SH3RF2: variants seen among roughly 807,000 people sequenced by gnomAD.
SH3RF2 encodes E3 ubiquitin-protein ligase SH3RF2.
SH3RF2 carries 43 observed loss-of-function variants against 59.0 expected under a neutral mutation model. That is an observed-to-expected ratio of 0.73 (90% CI 0.57 to 0.94). The LOEUF is 0.94. Among genes scored for constraint, SH3RF2 ranks in the 40% least tolerant of loss-of-function variants. The pLI is 0.00. For synonymous variants in SH3RF2, 391 were observed against 391.5 expected, an observed-to-expected ratio of 1.00 and a Z score of 0.01; for missense variants, 930 against 940.1, an observed-to-expected ratio of 0.99 and a Z score of 0.14.
intron 5 of SH3RF2, among the ~76,000 whole-genome samples, chr5:146,031,089 G>A (rs1451160710): frequency 6.6e-6 from 1 of 152,204 alleles, no homozygotes; most frequent in African/African-American, 2.4e-5. Context: ...GAGAATGTGT[G>A]TGCCTGGTCA....
chr5:145,976,081 A>G (rs1465281379), intron 2 of SH3RF2, among the ~76,000 whole-genome samples: 2 of 152,208 alleles, frequency 1.3e-5, no homozygotes, highest in Admixed American at 1.3e-4. Flanking sequence ...TTTAGTAAAT[A>G]TTTGTGGAAC....
Position 145,937,925 on chromosome 5 carries a change from T to TA in SH3RF2, c.1dup. ...CCAGGTGGGAACTGGAGTTTTGAAA[T>TA]AAAATGGATGATTTGACGTTACTTG... On this transcript the variant is annotated 5_prime_UTR_variant, in exon 2 of 10. Coordinates refer to ENST00000359120, the MANE Select transcript of SH3RF2 (RefSeq NM_152550.4). 1 of 1,609,936 alleles carries TA rather than the reference T, an allele frequency of 6.2e-7. No homozygotes were observed. The highest frequency in any genetic ancestry group is 8.5e-7 in the Non-Finnish European group (1 of 1,177,436).
intron 2 of SH3RF2, among the ~76,000 whole-genome samples, chr5:145,950,100 C>T (rs1758136630): frequency 6.6e-6 from 1 of 151,808 alleles, no homozygotes; most frequent in South Asian, 2.1e-4. Context: ...ACCTTCATAA[C>T]TACTACCATC....
At chr5:146,059,807 C>A in intron 8 of SH3RF2, 59 bp from the exon 9 acceptor site, 1 of 1,289,846 alleles carries the variant, frequency 7.8e-7, no homozygotes, top group Non-Finnish European at 1.0e-6. Context: ...TTACCCAGCC[C>A]CACCCAACCT....
At position 146,049,217 on chromosome 5, in the gene SH3RF2, CCAAACA is replaced by C. The variant is rs1762409155; in HGVS notation, c.1295_1300del (p.Pro432_Asn434delinsHis). 1.9e-6 allele frequency: 3 copies of C among 1,613,138 alleles called. No individual in the cohort carries two copies. In the African/African-American group the frequency reaches 4.0e-5, roughly 22 times the overall value. On this transcript the variant is annotated inframe_deletion, in exon 7 of 10. Coordinates refer to ENST00000359120, the MANE Select transcript of SH3RF2 (RefSeq NM_152550.4). ...GGTCACCGGGCGAGTCGGCATCTTC[CCAAACA>C]ATTACGTCATCCCCATTTTCAGGTG...
At chr5:146,032,544 T>C (rs1302003348) in intron 5 of SH3RF2, among the ~76,000 whole-genome samples, 1 of 152,164 alleles carries the variant, frequency 6.6e-6, no homozygotes, top group Non-Finnish European at 1.5e-5. Context: ...TGTTGTCTAT[T>C]ACATAGGAGG....
In SH3RF2 at chr5:145,937,861, C is replaced by G; in HGVS notation, c.-68C>G. The stretch of plus-strand genomic sequence containing the variant: ...CGTTCTCAAGAGACCAGCTCTGCCC[C>G]CGTGGCTCAACTGACCCTACCATGT... On this transcript the variant is annotated 5_prime_UTR_variant, in exon 2 of 10. Transcript: ENST00000359120. 2.5e-5 allele frequency: 39 copies of G among 1,539,024 alleles called. No individual in the cohort carries two copies. The highest frequency in any genetic ancestry group is 3.4e-5 in the Non-Finnish European group (39 of 1,145,030).
At chr5:145,978,144 G>A (rs574054497) in intron 2 of SH3RF2, among the ~76,000 whole-genome samples, 8 of 152,168 alleles carry the variant, frequency 5.3e-5, no homozygotes, top group African/African-American at 9.6e-5. Context: ...CTGGGATTCC[G>A]ATTATCTGCA....
chr5:146,072,421 C>A (rs1273731572), intron 9 of SH3RF2, among the ~76,000 whole-genome samples: 1 of 152,198 alleles, frequency 6.6e-6, no homozygotes, highest in East Asian at 1.9e-4. Flanking sequence ...GCCTGTAATT[C>A]CAGCACTTTG....
At chr5:146,010,756 T>A (rs1173459173) in intron 4 of SH3RF2, among the ~76,000 whole-genome samples, 1 of 152,186 alleles carries the variant, frequency 6.6e-6, no homozygotes, top group Non-Finnish European at 1.5e-5. Context: ...TTTGTTTGAG[T>A]TCATTGTAGA....
At chr5:146,003,123 G>T (rs1322946598) in intron 3 of SH3RF2, among the ~76,000 whole-genome samples, 1 of 152,176 alleles carries the variant, frequency 6.6e-6, no homozygotes, top group Non-Finnish European at 1.5e-5. Context: ...TTGATGAATG[G>T]TTTATGGACA....
chr5:145,991,256 A>G (rs184645410), intron 2 of SH3RF2, among the ~76,000 whole-genome samples: 2 of 152,316 alleles, frequency 1.3e-5, no homozygotes, highest in African/African-American at 4.8e-5. Context: ...GACATTTCCC[A>G]TATCAGAACT....
intron 5 of SH3RF2, among the ~76,000 whole-genome samples, chr5:146,022,438 C>T (rs572303560): frequency 1.6e-4 from 25 of 152,302 alleles, no homozygotes; most frequent in African/African-American, 5.8e-4. Flanking sequence ...AAACTCCTGA[C>T]TCAAGTGATC....
In SH3RF2 at chr5:146,033,537, CTCGGCTCACTGCAACCTCCG is replaced by C. The variant is rs534259344; in HGVS notation, c.1060-14232_1060-14213del. Among the ~76,000 whole-genome samples, 13 of 136,956 alleles carry C rather than the reference CTCGGCTCACTGCAACCTCCG, an allele frequency of 9.5e-5. No individual in the cohort carries two copies. In the East Asian group the frequency reaches 3.0e-3, roughly 32 times the overall value. The allele number at this position is 136,956 out of a possible 152,430, so 89.8% of individuals were successfully genotyped here. A position where few individuals can be genotyped will look rare whatever the true frequency, so the allele number is the denominator to read the frequency against. On this transcript the variant is annotated intron_variant, in intron 5 of 9. Coordinates refer to ENST00000359120, the MANE Select transcript of SH3RF2 (RefSeq NM_152550.4). ...CCAGGCTGGAGTGCAAAGGCCCGAT[CTCGGCTCACTGCAACCTCCG>C]TCTCCCAGGTTCAAGCCATTCTCCT...
chr5:145,952,487 C>T (rs116393333), intron 2 of SH3RF2, among the ~76,000 whole-genome samples: 1,760 of 152,242 alleles, frequency 0.012, 43 homozygotes, highest in African/African-American at 0.041. Flanking sequence ...ACTGGTGTAA[C>T]ACAACTCAGT....
At chr5:146,058,333 C>T (rs185052663) in intron 8 of SH3RF2, among the ~76,000 whole-genome samples, 1 of 152,086 alleles carries the variant, frequency 6.6e-6, no homozygotes, top group Non-Finnish European at 1.5e-5. Flanking sequence ...CAAGGTGAGG[C>T]TGGCAAGCTA....
At chr5:146,059,810 C>A in intron 8 of SH3RF2, 56 bp from the exon 9 acceptor site, 1 of 1,324,780 alleles carries the variant, frequency 7.5e-7, no homozygotes, top group Non-Finnish European at 9.9e-7. Context: ...CCCAGCCCCA[C>A]CCAACCTACT....
rs1758427156 is a variant in SH3RF2, at chr5:145,956,786, G to T, written c.378+18480G>T. Among the ~76,000 whole-genome samples the T allele has an allele frequency of 2.0e-5, 3 of 152,164 alleles. No homozygotes were observed. The South Asian group carries it at 6.2e-4, about 32-fold the overall frequency. On this transcript the variant is annotated intron_variant, in intron 2 of 9. Transcript: ENST00000359120. ...AAAGGATTGTGAAGGGGCAAGGAAG[G>T]AAGAAAGAAATAAGTTACCTAGGTA...
chr5:145,936,746 G>A (rs1220857049), intron 1 of SH3RF2, 52 bp downstream of exon 1: 3 of 152,456 alleles, frequency 2.0e-5, no homozygotes, highest in African/African-American at 7.2e-5. Context: ...GACATCTTTG[G>A]AGAGGAGGCT....
Sources: allele counts gnomAD v4.1 joint callset (sites outside exome capture counted in the v4.1 genomes callset), GRCh38; gene constraint gnomAD v4.1.1; transcripts MANE v1.5; gene names NCBI Gene and HGNC (gene_info 2026-07-23, HGNC 2026-07-21).